CLMN: variants seen among roughly 807,000 people sequenced by gnomAD.
The protein encoded by CLMN is calmin (calponin-like, transmembrane).
Under a neutral mutation model 92.7 loss-of-function variants are expected in CLMN, and 57 were observed. That is an observed-to-expected ratio of 0.61 (90% confidence interval 0.50 to 0.77). The LOEUF (loss-of-function observed/expected upper bound fraction) is 0.77, where lower values mean the gene tolerates loss of function less well. Ranked by LOEUF, CLMN falls within the 30% of genes least tolerant of loss-of-function variation. The pLI is 0.00. For synonymous variants in CLMN, 466 were observed against 470.6 expected, an observed-to-expected ratio of 0.99 and a Z score of 0.13; for missense variants, 1,158 against 1,237.5, an observed-to-expected ratio of 0.94 and a Z score of 0.96.
At chr14:95,313,676 T>A (rs894932443) in intron 1 of CLMN, among the ~76,000 whole-genome samples, 13 of 150,222 alleles carry the variant, frequency 8.7e-5, no homozygotes, top group Non-Finnish European at 1.3e-4. Context: ...AGAAAAAAAA[T>A]TTATAAAAAG....
chr14:95,283,905 G>C (rs1334188969), intron 1 of CLMN, among the ~76,000 whole-genome samples: 8 of 152,334 alleles, frequency 5.3e-5, no homozygotes, highest in Admixed American at 4.6e-4. Context: ...GCTGAAATTT[G>C]CATAAGTAGC....
intron 1 of CLMN, among the ~76,000 whole-genome samples, chr14:95,264,262 T>C (rs901351021): frequency 1.3e-5 from 2 of 152,140 alleles, no homozygotes; most frequent in Admixed American, 6.5e-5. Context: ...CTGGAACTCC[T>C]GGGCTCAAGC....
At chr14:95,211,346 G>A (rs1035036640) in intron 6 of CLMN, among the ~76,000 whole-genome samples, 6 of 152,160 alleles carry the variant, frequency 3.9e-5, no homozygotes, top group Non-Finnish European at 1.5e-5. Context: ...GCTTTTGTGG[G>A]GAAAGTCGAG....
At chr14:95,251,828 T>C (rs960951519) in intron 1 of CLMN, among the ~76,000 whole-genome samples, 2 of 152,178 alleles carry the variant, frequency 1.3e-5, no homozygotes, top group Admixed American at 6.5e-5. Flanking sequence ...CTAGTGGTTT[T>C]CTGAGACACA....
chr14:95,219,194 G>T (rs1275200105), intron 4 of CLMN, among the ~76,000 whole-genome samples: 1 of 152,210 alleles, frequency 6.6e-6, no homozygotes, highest in Non-Finnish European at 1.5e-5. Flanking sequence ...AGCAAACCTA[G>T]GACCTACTAG....
chr14:95,193,693 C>T (rs1022748117), intron 12 of CLMN, among the ~76,000 whole-genome samples, 156 bp downstream of exon 12: 1 of 152,172 alleles, frequency 6.6e-6, no homozygotes, highest in African/African-American at 2.4e-5. Flanking sequence ...CAATTTACAT[C>T]ATTTTCTCTG....
intron 1 of CLMN, among the ~76,000 whole-genome samples, chr14:95,273,766 G>A (rs141149365): frequency 8.3e-4 from 127 of 152,256 alleles, no homozygotes; most frequent in African/African-American, 2.8e-3. Flanking sequence ...CTGCCCTTCC[G>A]TGCCTGAGTG....
chr14:95,241,079 A>T lies in CLMN; in HGVS notation c.83-10946T>A, dbSNP rs200332291. 5.2e-4 allele frequency among the ~76,000 whole-genome samples: 77 copies of T among 148,376 alleles called. 1 individual carries two copies. The East Asian group carries it at 0.013, about 25-fold the overall frequency. ...CTTGACCTCTTGTGTTCAGTTATTT[A>T]AAAAAAAAAAGTGAAAAACACACAA... On this transcript the variant is annotated intron_variant, in intron 1 of 12. Coordinates refer to ENST00000298912, the MANE Select transcript of CLMN (RefSeq NM_024734.4).
In CLMN at chr14:95,270,981, G is replaced by T. The variant is rs566477391; in HGVS notation, c.83-40848C>A. On this transcript the variant is annotated intron_variant, in intron 1 of 12. Coordinates refer to ENST00000298912, the MANE Select transcript of CLMN (RefSeq NM_024734.4). ...CACATCCTTGAGAACACTTGTAATG[G>T]TCTCTTTTATTTTAGCCATTGTTTG... Among the ~76,000 whole-genome samples the T allele has an allele frequency of 2.6e-5, 4 of 152,266 alleles. No individual in the cohort carries two copies. In the South Asian group the frequency reaches 8.3e-4, roughly 32 times the overall value.
intron 1 of CLMN, among the ~76,000 whole-genome samples, chr14:95,312,487 G>A (rs1445694394): frequency 1.3e-5 from 2 of 152,142 alleles, no homozygotes; most frequent in Admixed American, 6.5e-5. Flanking sequence ...CCCTGGGTCT[G>A]GGTTCAGAAA....
rs1389133592 is a variant in CLMN, at chr14:95,203,624, A to G, written c.1725T>C (p.Ser575=). 9.3e-6 allele frequency: 15 copies of G among 1,614,210 alleles called. No individual in the cohort carries two copies. The highest frequency in any genetic ancestry group is 1.3e-5 in the Non-Finnish European group (15 of 1,180,022). ...GAACTTTGTTGAAAGCCTGGCTGGT[A>G]GAAGCAAAATCTATTAGGTCGCTGT... ...KFNSDLIDFA[S]TSQAFNKVPS... is the part of the protein sequence containing the mutation. Residue 575 remains serine, a synonymous_variant, in exon 9 of 13, where the codon TCT becomes TCC. Coordinates refer to ENST00000298912, the MANE Select transcript of CLMN (RefSeq NM_024734.4).
Position 95,191,537 on chromosome 14 carries a change from G to A in CLMN, c.*27C>T, listed in dbSNP as rs1351268528. 5.0e-6 allele frequency: 8 copies of A among 1,591,994 alleles called. No individual in the cohort carries two copies. Among genetic ancestry groups the A allele is most frequent in the Admixed American group, 3.5e-5 (2 of 57,444 alleles). ...TAACCCCGCCCCTGGTCAGGGTCCT[G>A]TCTTTTTTATTATCCAGACACACGT... On this transcript the variant is annotated 3_prime_UTR_variant, in exon 13 of 13. Transcript: ENST00000298912. This position sits in a 1 kb window ranked among gnomAD's most constrained non-coding sequence, Gnocchi z 5.3.
At chr14:95,303,097 G>T (rs1048458558) in intron 1 of CLMN, among the ~76,000 whole-genome samples, 3 of 152,228 alleles carry the variant, frequency 2.0e-5, no homozygotes, top group African/African-American at 7.2e-5. Flanking sequence ...GTATCTGATA[G>T]AGGCTCAAGC....
chr14:95,288,622 T>A (rs1035691166), intron 1 of CLMN, among the ~76,000 whole-genome samples: 5 of 152,186 alleles, frequency 3.3e-5, no homozygotes, highest in Non-Finnish European at 7.3e-5. Context: ...TGGCAGGCTG[T>A]AAATTGGTGC....
intron 4 of CLMN, among the ~76,000 whole-genome samples, chr14:95,217,959 G>A (rs916117945): frequency 1.3e-5 from 2 of 152,212 alleles, no homozygotes; most frequent in African/African-American, 4.8e-5. Flanking sequence ...GGCCCCAAGG[G>A]GCAGATATTT....
intron 1 of CLMN, among the ~76,000 whole-genome samples, chr14:95,291,164 G>A (rs186050426): frequency 1.4e-3 from 215 of 152,364 alleles, no homozygotes; most frequent in African/African-American, 4.9e-3. Context: ...CCCGGGCTGT[G>A]ACAGCGTCCC....
In CLMN at chr14:95,184,189, A is replaced by C. The variant is rs777994760; in HGVS notation, c.*7375T>G. ...GAATGCCTATAATGCACAGAAGCTC[A>C]GAAGTTAGTTTGCCAAGATCACCCA... On this transcript the variant is annotated 3_prime_UTR_variant, in exon 13 of 13. Coordinates refer to ENST00000298912, the MANE Select transcript of CLMN (RefSeq NM_024734.4). 6.6e-6 allele frequency: 1 copy of C among 152,264 alleles called. No individual in the cohort carries two copies. Among genetic ancestry groups the C allele is most frequent in the Non-Finnish European group, 1.5e-5 (1 of 68,034 alleles). The allele number at this position is 152,264 out of a possible 1,614,324, so 9.4% of individuals were successfully genotyped here. A position where few individuals can be genotyped will look rare whatever the true frequency, so the allele number is the denominator to read the frequency against.
At chr14:95,232,353 T>C (rs531711062) in intron 1 of CLMN, among the ~76,000 whole-genome samples, 1 of 152,348 alleles carries the variant, frequency 6.6e-6, no homozygotes, top group South Asian at 2.1e-4. Flanking sequence ...CAAATTTCTT[T>C]AGCAATAAGA....
At position 95,245,195 on chromosome 14, in the gene CLMN, A is replaced by ATATATATATATAT. The variant is rs1177720153; in HGVS notation, c.83-15075_83-15063dup. On this transcript the variant is annotated intron_variant, in intron 1 of 12. Coordinates refer to ENST00000298912, the MANE Select transcript of CLMN (RefSeq NM_024734.4). ...TATATTATATATATATATATATATA[A>ATATATATATATAT]TATATATATATATTATATATATATA... is the stretch of plus-strand genomic sequence containing the variant. Among the ~76,000 whole-genome samples, 69 of 27,782 alleles carry ATATATATATATAT rather than the reference A, an allele frequency of 2.5e-3. 1 individual carries two copies. The highest frequency in any genetic ancestry group is 3.6e-3 in the Admixed American group (6 of 1,662). The allele number at this position is 27,782 out of a possible 152,430, so 18.2% of individuals were successfully genotyped here. A position where few individuals can be genotyped will look rare whatever the true frequency, so the allele number is the denominator to read the frequency against.
Sources: gnomAD v4.1 joint callset for allele counts (sites outside exome capture counted in the v4.1 genomes callset) on GRCh38, gnomAD v4.1.1 for gene constraint, Gnocchi (gnomAD v3.1) non-coding constraint, MANE v1.5 for transcripts, NCBI Gene and HGNC (gene_info 2026-07-23, HGNC 2026-07-21) for gene names.